Variants in IMMP2L observed in about 807,000 individuals in gnomAD.
IMMP2L encodes mitochondrial inner membrane protease subunit 2.
IMMP2L carries 18 observed loss-of-function variants against 19.3 expected under a neutral mutation model. The ratio of observed to expected loss-of-function variants is 0.93; its 90% CI spans 0.64 to 1.38. IMMP2L has a LOEUF of 1.38. IMMP2L is among the 40% of genes most tolerant of loss of function. IMMP2L has a pLI of 0.00. For synonymous variants in IMMP2L, 76 were observed against 73.0 expected (o/e 1.04, Z -0.21); for missense variants, 233 against 218.2 (o/e 1.07, Z -0.43).
intron 4 of IMMP2L, among the ~76,000 whole-genome samples, chr7:110,904,652 T>C (rs890721463): frequency 8.5e-5 from 13 of 152,236 alleles, no homozygotes; most frequent in African/African-American, 3.1e-4. Context: ...CAGATTACTA[T>C]AGCTTGCTTC....
intron 3 of IMMP2L, among the ~76,000 whole-genome samples, chr7:111,130,997 A>T (rs1414743898): frequency 6.6e-6 from 1 of 152,024 alleles, no homozygotes; most frequent in African/African-American, 2.4e-5. Flanking sequence ...ATATTAAATC[A>T]CTTATTTTTT....
At chr7:111,108,491 T>C (rs1012544164) in intron 3 of IMMP2L, among the ~76,000 whole-genome samples, 1 of 152,092 alleles carries the variant, frequency 6.6e-6, no homozygotes, top group African/African-American at 2.4e-5. Flanking sequence ...TAAAAATCAA[T>C]TGAAAACTAT....
At chr7:111,008,584 C>G (rs1202493205) in intron 3 of IMMP2L, among the ~76,000 whole-genome samples, 1 of 151,984 alleles carries the variant, frequency 6.6e-6, no homozygotes, top group Non-Finnish European at 1.5e-5. Context: ...CACGTGCACA[C>G]ACACACACAC....
rs369668668 is a variant in IMMP2L, at chr7:111,467,191, G to C, written c.239+20047C>G. ...CCCCAGCACCTACTGGGTGACCTTG[G>C]GCAAGTCACCCAATCTCTATGTGCC... On this transcript the variant is annotated intron_variant, in intron 3 of 5. Coordinates refer to ENST00000405709, the MANE Select transcript of IMMP2L (RefSeq NM_032549.4). 1.1e-4 allele frequency among the ~76,000 whole-genome samples: 17 copies of C among 152,158 alleles called. No homozygotes were observed. In the East Asian group the frequency reaches 2.3e-3, roughly 21 times the overall value.
At chr7:110,822,534 T>C (rs1803129714) in intron 5 of IMMP2L, among the ~76,000 whole-genome samples, 1 of 152,146 alleles carries the variant, frequency 6.6e-6, no homozygotes, top group South Asian at 2.1e-4. Context: ...AATTTTTCCT[T>C]ACCTGTCTCC....
At chr7:111,374,329 C>T (rs1830498816) in intron 3 of IMMP2L, among the ~76,000 whole-genome samples, 1 of 151,964 alleles carries the variant, frequency 6.6e-6, no homozygotes, top group African/African-American at 2.4e-5. Flanking sequence ...TAGTAAAGTC[C>T]TAGACTAGGC....
intron 5 of IMMP2L, among the ~76,000 whole-genome samples, chr7:110,747,475 T>C (rs867900505): frequency 6.6e-6 from 1 of 152,176 alleles, no homozygotes. Flanking sequence ...ATATTCCTGA[T>C]GAACATCGAT....
intron 4 of IMMP2L, among the ~76,000 whole-genome samples, chr7:110,895,683 A>C (rs941470024): frequency 3.3e-5 from 5 of 152,156 alleles, no homozygotes; most frequent in Non-Finnish European, 7.3e-5. Context: ...CCAATTTTAA[A>C]GGTCTTTGAA....
chr7:110,983,789 T>A (rs749251226), intron 3 of IMMP2L, among the ~76,000 whole-genome samples: 1 of 151,980 alleles, frequency 6.6e-6, no homozygotes. Flanking sequence ...ATACATTCAG[T>A]AGTATCAAGG....
intron 2 of IMMP2L, among the ~76,000 whole-genome samples, chr7:111,491,892 G>GT (rs926567658): frequency 8.1e-4 from 120 of 147,574 alleles, no homozygotes; most frequent in South Asian, 3.0e-3. Flanking sequence ...CACTGCATTC[G>GT]TTTTTTTTTT....
At position 111,213,317 on chromosome 7, in the gene IMMP2L, C is replaced by T. The variant is rs1811533063; in HGVS notation, c.240-249752G>A. Among the ~76,000 whole-genome samples, 1 of 152,186 alleles carries T rather than the reference C, an allele frequency of 6.6e-6. No individual in the cohort carries two copies. Among genetic ancestry groups the T allele is most frequent in the South Asian group, 2.1e-4 (1 of 4,830 alleles). ...CTCAGCCCCCTCCAGGCTTTGGGTGCCAATGAGCATGGGAGGGAGGCTGAG... is the reference window on the plus strand; with the variant it reads ...CTCAGCCCCCTCCAGGCTTTGGGTGTCAATGAGCATGGGAGGGAGGCTGAG... On this transcript the variant is annotated intron_variant, in intron 3 of 5. Transcript: ENST00000405709. This position sits in a 1 kb window ranked among gnomAD's most constrained non-coding sequence, Gnocchi z 4.8.
At chr7:110,832,196 G>T (rs924088683) in intron 5 of IMMP2L, among the ~76,000 whole-genome samples, 1 of 152,134 alleles carries the variant, frequency 6.6e-6, no homozygotes, top group Non-Finnish European at 1.5e-5. Context: ...GGGAGGTGGA[G>T]GTTGCAGTGA....
intron 3 of IMMP2L, among the ~76,000 whole-genome samples, chr7:110,974,205 A>C (rs1820455936): frequency 6.6e-6 from 1 of 152,112 alleles, no homozygotes. Context: ...TATGCTCACC[A>C]CCCACCATTC....
intron 4 of IMMP2L, among the ~76,000 whole-genome samples, chr7:110,942,531 T>A (rs1368105365): frequency 1.3e-5 from 2 of 151,868 alleles, no homozygotes; most frequent in African/African-American, 4.8e-5. Context: ...AAATACTTAA[T>A]CCTTTCTCAA....
intron 3 of IMMP2L, among the ~76,000 whole-genome samples, chr7:111,036,757 C>T (rs952104481): frequency 2.0e-5 from 3 of 152,080 alleles, no homozygotes; most frequent in African/African-American, 7.2e-5. Flanking sequence ...TGTATTTTTA[C>T]AAACCAGATA....
intron 3 of IMMP2L, among the ~76,000 whole-genome samples, chr7:111,167,169 T>A (rs558829923): frequency 7.6e-4 from 115 of 152,084 alleles, no homozygotes; most frequent in African/African-American, 2.6e-3. Context: ...GTGAGGGGAC[T>A]TGATCTGACC....
intron 4 of IMMP2L, among the ~76,000 whole-genome samples, chr7:110,935,275 T>C (rs1273016741): frequency 6.6e-6 from 1 of 152,204 alleles, no homozygotes; most frequent in African/African-American, 2.4e-5. Context: ...TGGGTGAATA[T>C]GAAATTTTGG....
At chr7:111,453,803 G>T (rs1308236384) in intron 3 of IMMP2L, among the ~76,000 whole-genome samples, 1 of 152,094 alleles carries the variant, frequency 6.6e-6, no homozygotes, top group Non-Finnish European at 1.5e-5. Flanking sequence ...GCAAGAGAAA[G>T]ATCCCTAAAA....
At chr7:111,094,695 T>G (rs1355483191) in intron 3 of IMMP2L, among the ~76,000 whole-genome samples, 1 of 152,124 alleles carries the variant, frequency 6.6e-6, no homozygotes, top group African/African-American at 2.4e-5. Context: ...GCTCAGGGAA[T>G]TCCTCTCCTC....
Sources: gnomAD v4.1 joint callset for allele counts (sites outside exome capture counted in the v4.1 genomes callset) on GRCh38, gnomAD v4.1.1 for gene constraint, Gnocchi (gnomAD v3.1) non-coding constraint, MANE v1.5 for transcripts, NCBI Gene and HGNC (gene_info 2026-07-23, HGNC 2026-07-21) for gene names.